Variants in LRRC4C observed in about 807,000 individuals in gnomAD.
LRRC4C encodes leucine-rich repeat-containing protein 4C.
A neutral mutation model predicts 33.6 loss-of-function variants in LRRC4C; 5 were observed. The observed-to-expected ratio is 0.15, with a 90% CI of 0.08 to 0.31. The LOEUF (loss-of-function observed/expected upper bound fraction) is 0.31. Ranked by LOEUF, LRRC4C falls within the 10% of genes least tolerant of loss-of-function variation. The pLI is 1.00. For synonymous variants in LRRC4C, 329 were observed against 302.0 expected (o/e 1.09, Z -0.93); for missense variants, 560 against 796.7 (o/e 0.70, Z 3.58).
intron 1 of LRRC4C, among the ~76,000 whole-genome samples, chr11:41,393,486 G>C (rs1315448428): frequency 2.0e-5 from 3 of 151,764 alleles, no homozygotes; most frequent in Admixed American, 6.6e-5. Context: ...GGTAGGGGCA[G>C]GGGGGAGGAG....
intron 1 of LRRC4C, among the ~76,000 whole-genome samples, chr11:41,175,884 C>T (rs1312066584): frequency 1.3e-5 from 2 of 152,136 alleles, no homozygotes; most frequent in South Asian, 4.1e-4. Context: ...CTTTCTGACT[C>T]GATCTCCTTT....
chr11:41,345,341 C>T (rs1387676341), intron 1 of LRRC4C, among the ~76,000 whole-genome samples: 3 of 152,076 alleles, frequency 2.0e-5, no homozygotes, highest in East Asian at 1.9e-4. Flanking sequence ...TTATCTTTGT[C>T]GATATGTATT....
chr11:40,468,857 T>C (rs1952783484), intron 3 of LRRC4C, among the ~76,000 whole-genome samples: 1 of 152,224 alleles, frequency 6.6e-6, no homozygotes, highest in Non-Finnish European at 1.5e-5. Context: ...AGACCCATAT[T>C]TTATTAGGCT....
At chr11:40,388,897 G>A (rs1027702121) in intron 3 of LRRC4C, among the ~76,000 whole-genome samples, 4 of 152,130 alleles carry the variant, frequency 2.6e-5, no homozygotes, top group Non-Finnish European at 5.9e-5. Flanking sequence ...GGAGACATCA[G>A]CCTTCTCCCC....
rs142428980 is a variant in LRRC4C at position 41,035,610 on chromosome 11, G to A, written c.-495-101887C>T. 2.7e-3 allele frequency among the ~76,000 whole-genome samples: 412 copies of A among 152,192 alleles called. 4 individuals are homozygous for A. The highest frequency in any genetic ancestry group is 4.8e-3 in the Non-Finnish European group (329 of 68,008). On this transcript the variant is annotated intron_variant, in intron 1 of 6. Transcript: ENST00000528697. ...TTTAAATGTGGACTCTGGGGAGAGC[G>A]TAACTGAGGTGAAGCAGGATGAATA... is the stretch of plus-strand genomic sequence containing the variant.
chr11:41,129,338 A>G (rs1942905791), intron 1 of LRRC4C, among the ~76,000 whole-genome samples: 1 of 151,962 alleles, frequency 6.6e-6, no homozygotes, highest in Non-Finnish European at 1.5e-5. Flanking sequence ...GTGGAAGTAT[A>G]TGTTACTTTT....
intron 6 of LRRC4C, among the ~76,000 whole-genome samples, chr11:40,139,920 CT>C (rs1033589176): frequency 6.6e-6 from 1 of 152,164 alleles, no homozygotes; most frequent in Admixed American, 6.5e-5. Context: ...TTGAAAATCA[CT>C]TGCTTGGGTA....
At chr11:40,722,226 T>G in intron 2 of LRRC4C, among the ~76,000 whole-genome samples, 1 of 152,308 alleles carries the variant, frequency 6.6e-6, no homozygotes, top group Admixed American at 6.5e-5. Context: ...TAGACATATA[T>G]TGCTTTTGAA....
At chr11:40,698,023 G>A (rs1945664239) in intron 2 of LRRC4C, among the ~76,000 whole-genome samples, 1 of 147,064 alleles carries the variant, frequency 6.8e-6, no homozygotes, top group South Asian at 2.1e-4. Context: ...AGCAGAGATT[G>A]CACCACTGCC....
intron 3 of LRRC4C, among the ~76,000 whole-genome samples, chr11:40,623,573 C>T (rs1054118212): frequency 6.6e-6 from 1 of 152,052 alleles, no homozygotes; most frequent in Non-Finnish European, 1.5e-5. Flanking sequence ...GCTTTATTCA[C>T]AGTAATTCCA....
At chr11:41,241,202 AT>A (rs1274126724) in intron 1 of LRRC4C, among the ~76,000 whole-genome samples, 1 of 152,152 alleles carries the variant, frequency 6.6e-6, no homozygotes, top group African/African-American at 2.4e-5. Flanking sequence ...CGTTATTCAA[AT>A]GCTTATTTAA....
chr11:41,012,312 A>T (rs1855260116), intron 1 of LRRC4C, among the ~76,000 whole-genome samples: 1 of 152,182 alleles, frequency 6.6e-6, no homozygotes, highest in Non-Finnish European at 1.5e-5. Context: ...TAGTTGGCAC[A>T]TAAGAGTGAG....
At chr11:41,096,938 A>C (rs2135580961) in intron 1 of LRRC4C, among the ~76,000 whole-genome samples, 1 of 152,308 alleles carries the variant, frequency 6.6e-6, no homozygotes, top group East Asian at 1.9e-4. Flanking sequence ...TACAGTTTCC[A>C]GGTTAGTTTT....
At chr11:41,072,472 A>C (rs865971941) in intron 1 of LRRC4C, among the ~76,000 whole-genome samples, 1 of 151,960 alleles carries the variant, frequency 6.6e-6, no homozygotes, top group Non-Finnish European at 1.5e-5. Flanking sequence ...CAGAGTTCTT[A>C]TGAGATATGG....
At chr11:41,193,524 T>C (rs2136222934) in intron 1 of LRRC4C, among the ~76,000 whole-genome samples, 2 of 152,296 alleles carry the variant, frequency 1.3e-5, no homozygotes, top group Admixed American at 1.3e-4. Context: ...AAGATATTCT[T>C]GTTGGAGAAA....
At chr11:40,219,365 T>C (rs1423796631) in intron 5 of LRRC4C, among the ~76,000 whole-genome samples, 1 of 152,178 alleles carries the variant, frequency 6.6e-6, no homozygotes, top group Non-Finnish European at 1.5e-5. Flanking sequence ...TTGTTTTCTT[T>C]AATATATCCT....
intron 1 of LRRC4C, among the ~76,000 whole-genome samples, chr11:41,287,845 C>T (rs1203554629): frequency 2.0e-5 from 3 of 152,158 alleles, no homozygotes; most frequent in Non-Finnish European, 2.9e-5. Context: ...TTGTGGACTG[C>T]ATGTATTATT....
rs143349119 is a variant in LRRC4C at position 41,142,105 on chromosome 11, C to G, written c.-495-208382G>C. 4.8e-3 allele frequency among the ~76,000 whole-genome samples: 721 copies of G among 151,752 alleles called. 1 individual carries two copies. Among genetic ancestry groups the G allele is most frequent in the Non-Finnish European group, 6.6e-3 (447 of 67,818 alleles). On this transcript the variant is annotated intron_variant, in intron 1 of 6. Coordinates refer to ENST00000528697, the MANE Select transcript of LRRC4C (RefSeq NM_001258419.2). The stretch of plus-strand genomic sequence containing the variant: ...TACAATTACAAAAGTCCCAAACTAG[C>G]TCATTCTTATTTCTTGCCATTATAT...
intron 4 of LRRC4C, among the ~76,000 whole-genome samples, chr11:40,306,955 TC>T: frequency 6.7e-6 from 1 of 149,666 alleles, no homozygotes; most frequent in East Asian, 2.0e-4. Flanking sequence ...TTTTTTTTTC[TC>T]TCTGTGGCAC....
Sources: gnomAD v4.1 joint callset for allele counts (sites outside exome capture counted in the v4.1 genomes callset) on GRCh38, gnomAD v4.1.1 for gene constraint, MANE v1.5 for transcripts, NCBI Gene and HGNC (gene_info 2026-07-23, HGNC 2026-07-21) for gene names.